KMT2C: variants seen among roughly 807,000 people sequenced by gnomAD.
KMT2C encodes lysine methyltransferase 2C, also known as histone-lysine N-methyltransferase 2C.
Under a neutral mutation model 507.9 loss-of-function variants are expected in KMT2C, and 88 were observed. The ratio of observed to expected loss-of-function variants is 0.17; its 90% CI spans 0.15 to 0.21. KMT2C has a LOEUF of 0.21. Among genes scored for constraint, KMT2C ranks in the 10% least tolerant of loss-of-function variants. KMT2C has a pLI of 1.00. For missense variants in KMT2C, 4,954 were observed against 5,957.8 expected, an observed-to-expected ratio of 0.83 and a Z score of 5.55; for synonymous variants, 2,049 against 2,080.8, an observed-to-expected ratio of 0.98 and a Z score of 0.42.
chr7:152,160,137 T>C (rs1295803287), intron 43 of KMT2C, among the ~76,000 whole-genome samples: 1 of 152,244 alleles, frequency 6.6e-6, no homozygotes, highest in East Asian at 1.9e-4. Context: ...ATAATTTTTA[T>C]GTGTCACAAA....
chr7:152,338,573 T>C (rs1372078098), intron 2 of KMT2C, among the ~76,000 whole-genome samples: 3 of 152,218 alleles, frequency 2.0e-5, no homozygotes, highest in South Asian at 2.1e-4. Context: ...CTAATAGTTC[T>C]CTCTCAAGTT....
At chr7:152,363,036 CTAAT>C (rs1302332398) in intron 1 of KMT2C, among the ~76,000 whole-genome samples, 2 of 152,242 alleles carry the variant, frequency 1.3e-5, no homozygotes, top group Admixed American at 1.3e-4. Flanking sequence ...ACTTTTCTGA[CTAAT>C]CAAACACTAT....
chr7:152,312,101 C>T, intron 4 of KMT2C, 155 bp from the exon 5 acceptor site: 1 of 502,472 alleles, frequency 2.0e-6, no homozygotes, highest in Non-Finnish European at 3.4e-6. Context: ...TAGTATTATC[C>T]ATGGTATAAT....
chr7:152,338,536 A>G (rs968317459), intron 2 of KMT2C, among the ~76,000 whole-genome samples: 2 of 152,224 alleles, frequency 1.3e-5, no homozygotes, highest in African/African-American at 2.4e-5. Context: ...AGCCCAGCTA[A>G]AACTAAAAGG....
At position 152,250,388 on chromosome 7, in the gene KMT2C, C is replaced by G. The variant is rs1422891499; in HGVS notation, c.1736-435G>C. On this transcript the variant is annotated intron_variant, in intron 12 of 58. Transcript: ENST00000262189. Reference sequence around the variant, plus strand: ...ACAAGTAGTTTTCCCCCAACATGGTCTCTTATTAATTCCAGATCTGCAAGT... The same window carrying G: ...ACAAGTAGTTTTCCCCCAACATGGTGTCTTATTAATTCCAGATCTGCAAGT... 4.6e-5 allele frequency among the ~76,000 whole-genome samples: 7 copies of G among 152,250 alleles called. No homozygotes were observed. In the East Asian group the frequency reaches 1.3e-3, roughly 29 times the overall value.
rs991706302 is a variant in KMT2C at position 152,415,169 on chromosome 7, T to A, written c.161+20457A>T. 2.0e-5 allele frequency among the ~76,000 whole-genome samples: 3 copies of A among 152,288 alleles called. No individual in the cohort carries two copies. The East Asian group carries it at 5.8e-4, about 29-fold the overall frequency. On this transcript the variant is annotated intron_variant, in intron 1 of 58. Coordinates refer to ENST00000262189, the MANE Select transcript of KMT2C (RefSeq NM_170606.3). ...TTTTCTGGATGAAAGAGAGGACTTA[T>A]TACTAGTCCTAGATTATTATGAAAA...
At chr7:152,326,322 ACTG>A (rs1390046256) in intron 3 of KMT2C, among the ~76,000 whole-genome samples, 2 of 152,228 alleles carry the variant, frequency 1.3e-5, no homozygotes, top group Non-Finnish European at 2.9e-5. Context: ...TGAGTATTAT[ACTG>A]CTATTATGTC....
intron 1 of KMT2C, among the ~76,000 whole-genome samples, chr7:152,361,897 T>C (rs1222014647): frequency 2.6e-5 from 4 of 152,168 alleles, no homozygotes; most frequent in Admixed American, 1.3e-4. Flanking sequence ...CGGAAACTGA[T>C]AGATGAAACA....
chr7:152,150,614 C>CA (rs930923172), intron 51 of KMT2C, among the ~76,000 whole-genome samples: 96 of 150,742 alleles, frequency 6.4e-4, no homozygotes, highest in African/African-American at 2.1e-3. Flanking sequence ...GACTCCATCT[C>CA]AAAAAAAAAT....
intron 1 of KMT2C, among the ~76,000 whole-genome samples, chr7:152,428,752 A>C (rs1169282087): frequency 1.3e-5 from 2 of 152,198 alleles, no homozygotes; most frequent in Non-Finnish European, 2.9e-5. Context: ...TAAGCAGGGC[A>C]TAAGGACTCC....
At chr7:152,264,117 G>A (rs1291148075) in intron 8 of KMT2C, among the ~76,000 whole-genome samples, 1 of 152,144 alleles carries the variant, frequency 6.6e-6, no homozygotes, top group Non-Finnish European at 1.5e-5. Context: ...AAGAAACTGA[G>A]CGCAGATATA....
intron 6 of KMT2C, among the ~76,000 whole-genome samples, chr7:152,279,696 A>G (rs2096164311): frequency 6.6e-6 from 1 of 152,228 alleles, no homozygotes; most frequent in African/African-American, 2.4e-5. Context: ...ATCTGCTAAA[A>G]AAAATAACAT....
At chr7:152,430,042 G>A (rs1377982796) in intron 1 of KMT2C, among the ~76,000 whole-genome samples, 1 of 139,422 alleles carries the variant, frequency 7.2e-6, no homozygotes, top group Non-Finnish European at 1.6e-5. Flanking sequence ...GCTGGGTGTG[G>A]TGGCATGCGC....
At position 152,271,743 on chromosome 7, in the gene KMT2C, C is replaced by T. The variant is rs76153768; in HGVS notation, c.1012+1962G>A. Among the ~76,000 whole-genome samples, 1,487 of 151,242 alleles carry T rather than the reference C, an allele frequency of 9.8e-3. 29 individuals carry two copies. The highest frequency in any genetic ancestry group is 0.035 in the African/African-American group (1,422 of 41,184). Reference sequence around the variant, plus strand: ...CATTTAGGCCTTGATTTTACACCACCGACTTAGTTTGAAGGCTGCTATAAG... The same window carrying T: ...CATTTAGGCCTTGATTTTACACCACTGACTTAGTTTGAAGGCTGCTATAAG... On this transcript the variant is annotated intron_variant, in intron 7 of 58. Transcript: ENST00000262189.
In KMT2C at chr7:152,337,156, GC is replaced by G. The variant is rs1272568857; in HGVS notation, c.251-6418del. On this transcript the variant is annotated intron_variant, in intron 2 of 58. Transcript: ENST00000262189. ...TTGGTGGCACACACCAGTAGACCCA[GC>G]TATTCAGGAGGCTGAGGTGGAAGAA... 5.3e-5 allele frequency among the ~76,000 whole-genome samples: 8 copies of G among 152,274 alleles called. No individual in the cohort carries two copies. In the East Asian group the frequency reaches 1.5e-3, roughly 29 times the overall value.
intron 23 of KMT2C, among the ~76,000 whole-genome samples, chr7:152,211,984 C>A (rs1337187176): frequency 6.6e-6 from 1 of 152,036 alleles, no homozygotes; most frequent in Non-Finnish European, 1.5e-5. Context: ...GGAGGCAGAG[C>A]TTGCAGTGAG....
At chr7:152,290,429 C>T (rs1437598111) in intron 6 of KMT2C, among the ~76,000 whole-genome samples, 1 of 148,178 alleles carries the variant, frequency 6.7e-6, no homozygotes, top group Non-Finnish European at 1.5e-5. Context: ...TCTGTCTCGG[C>T]CTCCCCCGTA....
intron 38 of KMT2C, 25 bp downstream of exon 38, chr7:152,176,166 C>T (rs549228146): frequency 3.8e-6 from 6 of 1,559,544 alleles, no homozygotes; most frequent in African/African-American, 2.7e-5. Flanking sequence ...TAGTAATATA[C>T]GTTGAGACTC....
At chr7:152,267,765 C>T (rs1041111527) in intron 7 of KMT2C, among the ~76,000 whole-genome samples, 2 of 152,156 alleles carry the variant, frequency 1.3e-5, no homozygotes, top group African/African-American at 4.8e-5. Flanking sequence ...TCCACCAATA[C>T]CTCATTTTTC....
Sources: allele counts gnomAD v4.1 joint callset (sites outside exome capture counted in the v4.1 genomes callset), GRCh38; gene constraint gnomAD v4.1.1; transcripts MANE v1.5; gene names NCBI Gene and HGNC (gene_info 2026-07-23, HGNC 2026-07-21).